Variants in ENTREP2 observed in about 807,000 individuals in gnomAD.
The protein encoded by ENTREP2 is endosomal transmembrane epsin interactor 2, also known as protein ENTREP2.
chr15:29,329,777 A>G, the ENTREP2 span, among the ~76,000 whole-genome samples: 2 of 152,244 alleles, frequency 1.3e-5, no homozygotes, highest in African/African-American at 2.4e-5. Flanking sequence ...TTTTAACAAT[A>G]AAGTAACATT....
chr15:29,388,229 G>A, the ENTREP2 span, among the ~76,000 whole-genome samples: 1 of 152,192 alleles, frequency 6.6e-6, no homozygotes, highest in Non-Finnish European at 1.5e-5. Flanking sequence ...ATCTGCCAAA[G>A]GGCTCATATC....
the ENTREP2 span, among the ~76,000 whole-genome samples, chr15:29,127,120 C>A: frequency 6.6e-6 from 1 of 152,204 alleles, no homozygotes; most frequent in South Asian, 2.1e-4. Flanking sequence ...CCAGGGAATT[C>A]TGATGCCCTC....
At chr15:29,430,737 C>T in the ENTREP2 span, among the ~76,000 whole-genome samples, 1 of 152,078 alleles carries the variant, frequency 6.6e-6, no homozygotes, top group Non-Finnish European at 1.5e-5. Flanking sequence ...TGGAGGTACA[C>T]CCATCACTCG....
the ENTREP2 span, among the ~76,000 whole-genome samples, chr15:29,669,248 G>C: frequency 1.3e-5 from 2 of 152,224 alleles, no homozygotes; most frequent in African/African-American, 4.8e-5. Flanking sequence ...AGGTGATTGT[G>C]TCATGGGGGC....
the ENTREP2 span, among the ~76,000 whole-genome samples, chr15:29,361,531 T>A: frequency 6.6e-6 from 1 of 152,226 alleles, no homozygotes; most frequent in Non-Finnish European, 1.5e-5. Flanking sequence ...TTGATATTTT[T>A]ATTTCCCCAA....
At chr15:29,493,334 C>T in the ENTREP2 span, among the ~76,000 whole-genome samples, 21 of 150,596 alleles carry the variant, frequency 1.4e-4, no homozygotes, top group African/African-American at 4.9e-4. Flanking sequence ...GGGGTTTCAC[C>T]GTTTTAGCCG....
the ENTREP2 span, among the ~76,000 whole-genome samples, chr15:29,143,506 T>A: frequency 9.8e-3 from 1,492 of 152,088 alleles, 28 homozygotes; most frequent in African/African-American, 0.034. Context: ...ATGGCTGTCA[T>A]CCCCTCAGCC....
the ENTREP2 span, among the ~76,000 whole-genome samples, chr15:29,442,454 T>C: frequency 6.6e-6 from 1 of 152,210 alleles, no homozygotes; most frequent in Non-Finnish European, 1.5e-5. Context: ...CTAATTTTTA[T>C]TCTTGGAGAA....
the ENTREP2 span, among the ~76,000 whole-genome samples, chr15:29,181,563 C>T: frequency 2.0e-5 from 3 of 151,802 alleles, no homozygotes; most frequent in African/African-American, 7.3e-5. Context: ...AATATTGTGC[C>T]TAAGTTTTAT....
At chr15:29,227,491 C>T in the ENTREP2 span, among the ~76,000 whole-genome samples, 1 of 152,156 alleles carries the variant, frequency 6.6e-6, no homozygotes, top group Non-Finnish European at 1.5e-5. Context: ...ATGTCACCCT[C>T]ACACCTACAC....
the ENTREP2 span, among the ~76,000 whole-genome samples, chr15:29,462,894 T>C: frequency 9.8e-3 from 1,492 of 152,268 alleles, 25 homozygotes; most frequent in Admixed American, 0.039. Context: ...ATGTAGTTTC[T>C]ACTCCTGTTG....
the ENTREP2 span, among the ~76,000 whole-genome samples, chr15:29,561,470 G>A: frequency 1.0e-3 from 153 of 152,206 alleles, 2 homozygotes; most frequent in Middle Eastern, 3.4e-3. Flanking sequence ...GGCCGATCAC[G>A]AGGTCAGGAG....
At chr15:29,589,101 G>C in the ENTREP2 span, among the ~76,000 whole-genome samples, 1 of 152,154 alleles carries the variant, frequency 6.6e-6, no homozygotes, top group Non-Finnish European at 1.5e-5. Flanking sequence ...CTATAAATCA[G>C]AGAGTGACTA....
At chr15:29,631,268 G>T in the ENTREP2 span, among the ~76,000 whole-genome samples, 1 of 152,044 alleles carries the variant, frequency 6.6e-6, no homozygotes, top group Non-Finnish European at 1.5e-5. Flanking sequence ...GTGTGCTTTT[G>T]TTTGTGGTCT....
chr15:29,157,309 C>T, the ENTREP2 span, among the ~76,000 whole-genome samples: 8 of 152,108 alleles, frequency 5.3e-5, no homozygotes, highest in African/African-American at 7.2e-5. Context: ...GATGTATCTG[C>T]GGGCCCCTGT....
At chr15:29,583,517 GA>G in the ENTREP2 span, among the ~76,000 whole-genome samples, 1 of 152,190 alleles carries the variant, frequency 6.6e-6, no homozygotes, top group Non-Finnish European at 1.5e-5. Context: ...GAGCATTAGA[GA>G]AAAGAGCTAA....
the ENTREP2 span, among the ~76,000 whole-genome samples, chr15:29,426,614 G>A: frequency 9.2e-5 from 14 of 152,044 alleles, no homozygotes; most frequent in Non-Finnish European, 5.9e-5. Context: ...ATCCAATGTT[G>A]GTCATCTGGT....
At chr15:29,561,041 C>T in the ENTREP2 span, among the ~76,000 whole-genome samples, 31 of 2,842 alleles carry the variant, frequency 0.011, no homozygotes, top group African/African-American at 0.13. Flanking sequence ...GTCTAAACCA[C>T]AATGAGATAT....
At chr15:29,556,666 C>T in the ENTREP2 span, among the ~76,000 whole-genome samples, 1 of 152,134 alleles carries the variant, frequency 6.6e-6, no homozygotes, top group Non-Finnish European at 1.5e-5. Context: ...TCTCTCCTGC[C>T]TTCTCAAATC....
Sources: allele counts gnomAD v4.1 joint callset (sites outside exome capture counted in the v4.1 genomes callset), GRCh38; gene constraint gnomAD v4.1.1; transcripts MANE v1.5; gene names NCBI Gene and HGNC (gene_info 2026-07-23, HGNC 2026-07-21).